ZNF536: variants seen among roughly 807,000 people sequenced by gnomAD.
The protein encoded by ZNF536 is zinc finger protein 536.
A neutral mutation model predicts 84.5 loss-of-function variants in ZNF536; 13 were observed. The observed-to-expected ratio is 0.15, with a 90% CI of 0.10 to 0.24. The LOEUF (loss-of-function observed/expected upper bound fraction) is 0.24. ZNF536 is among the 10% of genes least tolerant of loss of function. ZNF536 has a pLI of 1.00. For missense variants in ZNF536, 1,536 were observed against 1,747.5 expected (o/e 0.88, Z 2.16); for synonymous variants, 811 against 742.5 (o/e 1.09, Z -1.50).
At chr19:30,375,265 C>G (rs2048769036) in intron 1 of ZNF536, among the ~76,000 whole-genome samples, 1 of 149,864 alleles carries the variant, frequency 6.7e-6, no homozygotes. Context: ...TGCCAGCCGG[C>G]CCTGCCCGCG....
chr19:30,534,254 A>C (rs1414568760), intron 2 of ZNF536, among the ~76,000 whole-genome samples: 1 of 152,232 alleles, frequency 6.6e-6, no homozygotes, highest in African/African-American at 2.4e-5. Context: ...CTAATTGTGG[A>C]ATCACATTTC....
intron 1 of ZNF536, among the ~76,000 whole-genome samples, chr19:30,698,334 C>T (rs1053835314): frequency 1.3e-5 from 2 of 152,102 alleles, no homozygotes; most frequent in Non-Finnish European, 2.9e-5. Flanking sequence ...AGAGAACTCT[C>T]ATAGATTTCA....
intron 1 of ZNF536, among the ~76,000 whole-genome samples, chr19:30,662,382 C>T (rs954732788): frequency 1.2e-4 from 18 of 152,178 alleles, no homozygotes; most frequent in Admixed American, 1.3e-4. Context: ...TCATTTTGCA[C>T]ATTCCGATCT....
At chr19:30,234,316 G>C (rs927895978) in intron 1 of ZNF536, among the ~76,000 whole-genome samples, 1 of 151,120 alleles carries the variant, frequency 6.6e-6, no homozygotes, top group Admixed American at 6.6e-5. Context: ...CTACCTCCTT[G>C]CTGGCTCTTC....
At chr19:30,595,984 C>T (rs544103418) in intron 1 of ZNF536, among the ~76,000 whole-genome samples, 4 of 152,210 alleles carry the variant, frequency 2.6e-5, no homozygotes, top group East Asian at 3.9e-4. Flanking sequence ...CCCAGAGAAG[C>T]CCCCATGGAC....
At chr19:30,623,045 T>TG (rs1030999874) in intron 1 of ZNF536, among the ~76,000 whole-genome samples, 3 of 148,710 alleles carry the variant, frequency 2.0e-5, no homozygotes, top group African/African-American at 7.4e-5. Flanking sequence ...TTTTTGTTTT[T>TG]TTGTTTTTTT....
intron 2 of ZNF536, among the ~76,000 whole-genome samples, chr19:30,327,801 C>A (rs2047087031): frequency 6.6e-6 from 1 of 152,228 alleles, no homozygotes. Flanking sequence ...ACCTCTGCGG[C>A]CTGAGCTGTG....
chr19:30,227,469 GTT>G (rs1491158105), upstream of ZNF536, among the ~76,000 whole-genome samples: 1 of 152,162 alleles, frequency 6.6e-6, no homozygotes, highest in Non-Finnish European at 1.5e-5. Flanking sequence ...CGGCGGCCGG[GTT>G]TTGTTTGCCA....
In ZNF536 at chr19:30,445,538, G is replaced by A. The variant is rs2052285808; in HGVS notation, c.1976G>A (p.Gly659Asp). The A allele has an allele frequency of 1.9e-6, 3 of 1,613,714 alleles. No homozygotes were observed. The highest frequency in any genetic ancestry group is 2.5e-6 in the Non-Finnish European group (3 of 1,179,946). The part of the protein sequence containing the change: ...HSRVHKRDRK[G>D]EEDGLHVGLD... ...CGTGTCCACAAGCGGGACCGCAAGG[G>A]CGAGGAGGATGGGCTGCACGTGGGC... Residue 659 changes from glycine to aspartate, a missense_variant, in exon 2 of 5, where the codon GGC (glycine) becomes GAC (aspartate). By Grantham distance (94) the Gly-to-Asp change is moderately conservative (BLOSUM62 -1). Around this residue, in one of 8 missense-constraint regions of ZNF536, gnomAD observed 366 missense variants for 364.4 expected, o/e 1.00. Coordinates refer to ENST00000355537, the MANE Select transcript of ZNF536 (RefSeq NM_014717.3). This position sits in a 1 kb window ranked among gnomAD's most constrained non-coding sequence, Gnocchi z 4.5.
chr19:30,429,321 G>T (rs1600694325), intron 1 of ZNF536, among the ~76,000 whole-genome samples: 1 of 152,290 alleles, frequency 6.6e-6, no homozygotes, highest in East Asian at 1.9e-4. Flanking sequence ...TGCCTTAGCT[G>T]CCCCTGAGGG....
At chr19:30,694,799 C>G (rs1168121242) in intron 1 of ZNF536, among the ~76,000 whole-genome samples, 1 of 152,110 alleles carries the variant, frequency 6.6e-6, no homozygotes, top group African/African-American at 2.4e-5. Flanking sequence ...CCACTTGGCC[C>G]CCATGGGGGA....
chr19:30,597,544 G>C (rs1304285515), intron 1 of ZNF536, among the ~76,000 whole-genome samples: 1 of 152,166 alleles, frequency 6.6e-6, no homozygotes. Context: ...AGGCATAGTA[G>C]GGTTATAATT....
chr19:30,375,177 C>A (rs1474704621), intron 1 of ZNF536, among the ~76,000 whole-genome samples: 1 of 149,898 alleles, frequency 6.7e-6, no homozygotes, highest in Admixed American at 6.6e-5. Context: ...CCGAGCCTCC[C>A]GCCGCCTGCG....
intron 2 of ZNF536, among the ~76,000 whole-genome samples, chr19:30,457,691 C>T (rs1404149413): frequency 2.0e-5 from 3 of 152,228 alleles, no homozygotes; most frequent in Non-Finnish European, 4.4e-5. Flanking sequence ...GAAGACACAT[C>T]AGGTGGTCAG....
At chr19:30,364,369 A>G (rs1020406092) in intron 3 of ZNF536, among the ~76,000 whole-genome samples, 2 of 152,140 alleles carry the variant, frequency 1.3e-5, no homozygotes, top group African/African-American at 4.8e-5. Flanking sequence ...CTACAAAAAT[A>G]TACAAAAATT....
intron 2 of ZNF536, among the ~76,000 whole-genome samples, chr19:30,526,106 TCCAGCCCACAGTCCCTGTC>T (rs1195971605): frequency 1.3e-5 from 2 of 152,112 alleles, no homozygotes; most frequent in African/African-American, 4.8e-5. Flanking sequence ...TGGGGTGGGC[TCCAGCCCACAGTCCCTGTC>T]CCACAGAGAA....
intron 1 of ZNF536, among the ~76,000 whole-genome samples, chr19:30,387,977 G>A (rs1314769863): frequency 6.6e-6 from 1 of 151,444 alleles, no homozygotes; most frequent in Non-Finnish European, 1.5e-5. Flanking sequence ...TGTGTAGATA[G>A]GATGGTCCAT....
At chr19:30,406,636 C>T (rs1002709769) in intron 1 of ZNF536, among the ~76,000 whole-genome samples, 9 of 152,166 alleles carry the variant, frequency 5.9e-5, no homozygotes, top group East Asian at 1.9e-4. Context: ...GGAAACTGTA[C>T]GGCCAGTTTT....
At position 30,674,423 on chromosome 19, in the gene ZNF536, G is replaced by C. The variant is rs372541130; in HGVS notation, c.170-36334G>C. 2.6e-5 allele frequency among the ~76,000 whole-genome samples: 4 copies of C among 152,342 alleles called. No homozygotes were observed. In the East Asian group the frequency reaches 5.8e-4, roughly 22 times the overall value. Reference sequence around the variant, plus strand: ...GACTCTTCTCTTGTGGACCTTGGCTGGTCCTACTCTCAGGTTAATTTCTCA... The same window carrying C: ...GACTCTTCTCTTGTGGACCTTGGCTCGTCCTACTCTCAGGTTAATTTCTCA... On this transcript the variant is annotated intron_variant, in intron 1 of 1. Coordinates refer to the ZNF536 transcript ENST00000592773.
Sources: allele counts gnomAD v4.1 joint callset (sites outside exome capture counted in the v4.1 genomes callset), GRCh38; gene constraint gnomAD v4.1.1; regional missense constraint gnomAD v4.1.1; non-coding constraint Gnocchi (gnomAD v3.1); transcripts MANE v1.5; gene names NCBI Gene and HGNC (gene_info 2026-07-23, HGNC 2026-07-21).